CPED1: variants seen among roughly 807,000 people sequenced by gnomAD.
CPED1 encodes the protein cadherin like and PC-esterase domain containing 1.
Under a neutral mutation model 128.2 loss-of-function variants are expected in CPED1, and 114 were observed. That is an observed-to-expected ratio of 0.89 (90% CI 0.76 to 1.04). The LOEUF (loss-of-function observed/expected upper bound fraction) is 1.04. Among genes scored for constraint, CPED1 ranks in the 50% least tolerant of loss-of-function variants. The pLI, the probability that CPED1 is intolerant of heterozygous loss-of-function variation, is 0.00. For synonymous variants in CPED1, 462 were observed against 426.7 expected (o/e 1.08, Z -1.02); for missense variants, 1,211 against 1,207.1 (o/e 1.00, Z -0.05).
At chr7:121,055,431 G>A (rs1164686483) in intron 4 of CPED1, among the ~76,000 whole-genome samples, 1 of 151,802 alleles carries the variant, frequency 6.6e-6, no homozygotes. Context: ...CTTTCTGTAA[G>A]CATATCATTT....
intron 3 of CPED1, among the ~76,000 whole-genome samples, chr7:121,025,807 T>A (rs949128959): frequency 1.3e-5 from 2 of 152,212 alleles, no homozygotes; most frequent in African/African-American, 4.8e-5. Context: ...TCAGGAGATA[T>A]AACCTCTAGA....
chr7:121,207,200 A>G (rs576284710), intron 16 of CPED1, among the ~76,000 whole-genome samples: 2 of 152,110 alleles, frequency 1.3e-5, no homozygotes, highest in East Asian at 1.9e-4. Flanking sequence ...TATTCCTACA[A>G]TGACCATCAT....
intron 3 of CPED1, among the ~76,000 whole-genome samples, chr7:121,035,442 T>A (rs1792858580): frequency 6.6e-6 from 1 of 152,194 alleles, no homozygotes; most frequent in South Asian, 2.1e-4. Flanking sequence ...TGATGGTGTT[T>A]GAAATTAATA....
At chr7:121,006,315 G>A (rs574143766) in intron 2 of CPED1, among the ~76,000 whole-genome samples, 9 of 152,018 alleles carry the variant, frequency 5.9e-5, no homozygotes, top group African/African-American at 1.7e-4. Context: ...CATTACGGAC[G>A]TCCTTTAACT....
intron 16 of CPED1, among the ~76,000 whole-genome samples, chr7:121,161,335 C>T (rs1796408439): frequency 6.6e-6 from 1 of 152,178 alleles, no homozygotes; most frequent in South Asian, 2.1e-4. Flanking sequence ...TCCTTACAAG[C>T]TGCCAGTCCA....
At chr7:121,178,470 G>T (rs545870621) in intron 16 of CPED1, among the ~76,000 whole-genome samples, 1 of 151,974 alleles carries the variant, frequency 6.6e-6, no homozygotes, top group South Asian at 2.1e-4. Context: ...GGGAATGGGG[G>T]ACAGCTTGAT....
intron 16 of CPED1, among the ~76,000 whole-genome samples, chr7:121,225,490 TG>T (rs1234098614): frequency 2.0e-5 from 3 of 152,092 alleles, no homozygotes. Context: ...ATCTTTGTGG[TG>T]ATCTCTGTAT....
intron 3 of CPED1, among the ~76,000 whole-genome samples, chr7:121,031,782 A>G (rs190827411): frequency 1.1e-3 from 170 of 152,364 alleles, no homozygotes; most frequent in African/African-American, 4.0e-3. Context: ...TTGAAAATAT[A>G]TTATTGACTA....
At chr7:121,035,600 G>A (rs926505217) in intron 3 of CPED1, among the ~76,000 whole-genome samples, 20 of 152,080 alleles carry the variant, frequency 1.3e-4, no homozygotes, top group Admixed American at 1.2e-3. Flanking sequence ...TCGGGAGGCA[G>A]AGGTGGGAGG....
intron 16 of CPED1, among the ~76,000 whole-genome samples, chr7:121,224,020 T>G (rs1797946952): frequency 6.6e-6 from 1 of 151,784 alleles, no homozygotes; most frequent in African/African-American, 2.4e-5. Flanking sequence ...GAATTTGTTC[T>G]TGCTTCTCTA....
chr7:121,244,640 C>T (rs989364762), intron 18 of CPED1, among the ~76,000 whole-genome samples: 3 of 152,204 alleles, frequency 2.0e-5, no homozygotes, highest in Non-Finnish European at 2.9e-5. Flanking sequence ...GAGCTTGCCA[C>T]GTCAACTGAC....
intron 5 of CPED1, 42 bp from the exon 6 acceptor site, chr7:121,097,657 A>G (rs1794730825): frequency 6.2e-7 from 1 of 1,608,446 alleles, no homozygotes; most frequent in East Asian, 2.2e-5. Context: ...TCCAGAAAGA[A>G]ACAATAAAAT....
intron 16 of CPED1, among the ~76,000 whole-genome samples, chr7:121,158,565 T>TC (rs1362539488): frequency 1.3e-5 from 2 of 151,370 alleles, no homozygotes; most frequent in East Asian, 3.9e-4. Flanking sequence ...TTATTAATCA[T>TC]CTTTTTTTTT....
At chr7:120,992,012 A>G (rs942449770) in intron 2 of CPED1, among the ~76,000 whole-genome samples, 3 of 152,188 alleles carry the variant, frequency 2.0e-5, no homozygotes, top group Non-Finnish European at 4.4e-5. Flanking sequence ...AACCAGATAC[A>G]AATTAATTCT....
intron 7 of CPED1, among the ~76,000 whole-genome samples, chr7:121,106,396 A>G (rs1471393772): frequency 2.0e-5 from 3 of 152,094 alleles, no homozygotes; most frequent in Non-Finnish European, 4.4e-5. Context: ...ATGACAGTGT[A>G]AAGGTAAAAC....
chr7:121,261,513 C>T (rs1479213726), intron 18 of CPED1: 4 of 1,406,680 alleles, frequency 2.8e-6, no homozygotes, highest in Non-Finnish European at 3.9e-6. Flanking sequence ...TGTCTCCTGA[C>T]ATTAGGTATT....
intron 13 of CPED1, 147 bp from the exon 14 acceptor site, chr7:121,135,893 G>C: frequency 2.1e-6 from 1 of 474,342 alleles, no homozygotes; most frequent in South Asian, 4.1e-5. Context: ...TTTTATTGTA[G>C]TTTACAGTTT....
At chr7:121,268,001 T>C (rs1008701045) in intron 21 of CPED1, among the ~76,000 whole-genome samples, 6 of 151,272 alleles carry the variant, frequency 4.0e-5, no homozygotes, top group African/African-American at 1.4e-4. Context: ...GGACAGCAGA[T>C]CTTCTGTGAT....
intron 16 of CPED1, among the ~76,000 whole-genome samples, chr7:121,228,465 A>G (rs1581525): frequency 0.61 from 92,996 of 151,512 alleles, 28,971 homozygotes; most frequent in East Asian, 0.88. Context: ...CAGAATGACT[A>G]TTATTAAAAA....
Sources: allele counts gnomAD v4.1 joint callset (sites outside exome capture counted in the v4.1 genomes callset), GRCh38; gene constraint gnomAD v4.1.1; transcripts MANE v1.5; gene names NCBI Gene and HGNC (gene_info 2026-07-23, HGNC 2026-07-21).